Variants in PJA2 observed in about 807,000 individuals in gnomAD.
The protein encoded by PJA2 is E3 ubiquitin-protein ligase Praja-2.
In PJA2, 25 loss-of-function variants were observed where a neutral mutation model predicts 69.3. That is an observed-to-expected ratio of 0.36 (90% confidence interval 0.26 to 0.50). The LOEUF (loss-of-function observed/expected upper bound fraction) is 0.50. PJA2 is among the 20% of genes least tolerant of loss of function. The pLI, the probability that PJA2 is intolerant of heterozygous loss-of-function variation, is 0.96. For synonymous variants in PJA2, 308 were observed against 277.8 expected, an observed-to-expected ratio of 1.11 and a Z score of -1.08; for missense variants, 809 against 830.2, an observed-to-expected ratio of 0.97 and a Z score of 0.31.
chr5:109,341,488 C>G (rs2126984646), intron 9 of PJA2, among the ~76,000 whole-genome samples: 1 of 141,730 alleles, frequency 7.1e-6, no homozygotes, highest in African/African-American at 2.6e-5. Context: ...GCCCGGCAGC[C>G]ACCCCATCTG....
intron 1 of PJA2, among the ~76,000 whole-genome samples, chr5:109,402,170 C>G (rs1030700690): frequency 6.6e-6 from 1 of 152,034 alleles, no homozygotes; most frequent in African/African-American, 2.4e-5. Context: ...AAATAGGCAT[C>G]AGAGAGCACA....
Position 109,335,113 on chromosome 5 carries a change from T to C in PJA2, c.*2118A>G, listed in dbSNP as rs79938561. The C allele has an allele frequency of 0.03, 4,650 of 152,768 alleles. 96 individuals are homozygous for C. Among genetic ancestry groups the C allele is most frequent in the Middle Eastern group, 0.048 (14 of 294 alleles). 9.5% of individuals were successfully genotyped at this position (152,768 alleles called of 1,614,324 possible). A position where few individuals can be genotyped will look rare whatever the true frequency, so the allele number is the denominator to read the frequency against. On this transcript the variant is annotated 3_prime_UTR_variant, in exon 10 of 10. Coordinates refer to ENST00000361189, the MANE Select transcript of PJA2 (RefSeq NM_014819.5). ...AACTTTTTCAAAAGGATCCAAGATA[T>C]GATCAAATAATATTTTAGTATCTGA...
Position 109,344,723 on chromosome 5 carries a change from CA to C in PJA2, c.1860del (p.Val621PhefsTer26). The C allele has an allele frequency of 6.2e-7, 1 of 1,613,266 alleles. No homozygotes were observed. Among genetic ancestry groups the C allele is most frequent in the South Asian group, 1.1e-5 (1 of 90,942 alleles). On this transcript the variant is annotated frameshift_variant, in exon 8 of 10. Coordinates refer to ENST00000361189, the MANE Select transcript of PJA2 (RefSeq NM_014819.5). LOFTEE classifies it high-confidence loss of function. ...KESIDGLPET[L>X]VLEDHTAIGQ... ...CCCTTACCAGTGTGATCTTCAAGAACAAGGGTCTCTGGAAGACCATCAATGC... is the reference window on the plus strand; with the variant it reads ...CCCTTACCAGTGTGATCTTCAAGAACAGGGTCTCTGGAAGACCATCAATGC...
Position 109,335,341 on chromosome 5 carries a change from C to CT in PJA2, c.*1889dup. On this transcript the variant is annotated 3_prime_UTR_variant, in exon 10 of 10. Coordinates refer to ENST00000361189, the MANE Select transcript of PJA2 (RefSeq NM_014819.5). ...TACAACAGCTATCTTAAGTTCAGCT[C>CT]TCAACATTGCTGGTTGAGTTTGGAA... 1 of 152,644 alleles carries CT rather than the reference C, an allele frequency of 6.6e-6. No individual in the cohort carries two copies. Among genetic ancestry groups the CT allele is most frequent in the Non-Finnish European group, 1.5e-5 (1 of 68,036 alleles). The allele number at this position is 152,644 out of a possible 1,614,324, so 9.5% of individuals were successfully genotyped here. A position where few individuals can be genotyped will look rare whatever the true frequency, so the allele number is the denominator to read the frequency against.
At chr5:109,354,301 G>T (rs1292215000) in intron 7 of PJA2, among the ~76,000 whole-genome samples, 2 of 147,934 alleles carry the variant, frequency 1.4e-5, no homozygotes, top group East Asian at 2.1e-4. Context: ...ATGATATCTA[G>T]AGATATCTAT....
At position 109,378,986 on chromosome 5, in the gene PJA2, A is replaced by T; in HGVS notation, c.501T>A (p.Ser167=). 6.2e-7 allele frequency: 1 copy of T among 1,614,160 alleles called. No individual in the cohort carries two copies. The highest frequency in any genetic ancestry group is 8.5e-7 in the Non-Finnish European group (1 of 1,180,008). Residue 167 remains serine (S), a synonymous_variant, in exon 4 of 10, where the codon TCT becomes TCA. Coordinates refer to ENST00000361189, the MANE Select transcript of PJA2 (RefSeq NM_014819.5). Reference sequence around the variant, plus strand: ...CTCCATGTTTGCCATCTGGATCATAAGAGTCTGTATGAACCAATGCAATTC... The same window carrying T: ...CTCCATGTTTGCCATCTGGATCATATGAGTCTGTATGAACCAATGCAATTC... ...QNGIALVHTD[S]YDPDGKHGED...
intron 4 of PJA2, among the ~76,000 whole-genome samples, chr5:109,374,451 C>T (rs151107526): frequency 6.4e-4 from 97 of 152,280 alleles, no homozygotes; most frequent in African/African-American, 1.9e-3. Flanking sequence ...CTACACGGAA[C>T]AGGAAAGGCG....
At chr5:109,344,103 A>G in intron 9 of PJA2, 87 bp downstream of exon 9, 4 of 526,744 alleles carry the variant, frequency 7.6e-6, no homozygotes, top group Non-Finnish European at 1.0e-5. Flanking sequence ...GTCTCACCAA[A>G]AAAAAAAAAA....
chr5:109,365,574 T>C (rs1299502614), intron 5 of PJA2, among the ~76,000 whole-genome samples: 3 of 92,404 alleles, frequency 3.2e-5, no homozygotes, highest in Non-Finnish European at 6.9e-5. Context: ...TTTATTGTTG[T>C]ATGAATCCTT....
At position 109,378,244 on chromosome 5, in the gene PJA2, A is replaced by G. The variant is rs757428735; in HGVS notation, c.1243T>C (p.Cys415Arg). The G allele has an allele frequency of 1.2e-6, 2 of 1,613,668 alleles. No individual in the cohort carries two copies. Among genetic ancestry groups the G allele is most frequent in the African/African-American group, 1.3e-5 (1 of 74,916 alleles). The stretch of plus-strand genomic sequence containing the variant: ...TCATAGAGTTGGTAATAATCTCCAC[A>G]GCCATTCCAAAAGGTGTTATCCACC... ...QEVDNTFWNG[C>R]GDYYQLYDKD... The change falls in exon 4 of 10, where the codon TGT (cysteine) becomes CGT (arginine). Residue 415 changes from cysteine (C) to arginine (R), a missense_variant. This residue lies in a region of PJA2 where 700 missense variants were observed against 639.5 expected (regional missense o/e 1.09). Transcript: ENST00000361189.
intron 4 of PJA2, among the ~76,000 whole-genome samples, chr5:109,372,924 AAAGAAAGAAAG>A (rs1420561598): frequency 2.3e-4 from 31 of 135,398 alleles, no homozygotes; most frequent in Non-Finnish European, 3.9e-4. Flanking sequence ...AAAAAAAAAA[AAAGAAAGAAAG>A]AAAAAAAAAT....
In PJA2 at chr5:109,378,286, T is replaced by C; in HGVS notation, c.1201A>G (p.Thr401Ala). The change falls in exon 4 of 10, where the codon ACA (threonine) becomes GCA (alanine). Residue 401 changes from threonine (T) to alanine (A), a missense_variant. Physicochemically the swap from Thr to Ala is moderately conservative, Grantham distance 58 (BLOSUM62 0). Around this residue, in one of 4 missense-constraint regions of PJA2, gnomAD observed 700 missense variants for 639.5 expected, o/e 1.09. Transcript: ENST00000361189. ...TTATCCACCTCTTGCCTTCCTGCTG[T>C]GGCTCCACTTTCTGATGTCATTTGG... The part of the protein sequence containing the change: ...NNQMTSESGA[T>A]AGRQEVDNTF... The C allele has an allele frequency of 6.2e-7, 1 of 1,614,140 alleles. No individual in the cohort carries two copies. Among genetic ancestry groups the C allele is most frequent in the Non-Finnish European group, 8.5e-7 (1 of 1,179,972 alleles).
intron 1 of PJA2, among the ~76,000 whole-genome samples, chr5:109,404,861 C>A (rs940041837): frequency 6.6e-6 from 1 of 152,160 alleles, no homozygotes; most frequent in Admixed American, 6.5e-5. Context: ...ATGAAAGATT[C>A]AAAGCTTTCT....
chr5:109,400,037 C>T (rs1447674043), intron 1 of PJA2, among the ~76,000 whole-genome samples: 1 of 152,008 alleles, frequency 6.6e-6, no homozygotes, highest in Non-Finnish European at 1.5e-5. Context: ...CACCTGTAAT[C>T]CCAGCAATTT....
intron 1 of PJA2, among the ~76,000 whole-genome samples, chr5:109,400,850 G>A (rs776878747): frequency 2.0e-5 from 3 of 152,092 alleles, no homozygotes; most frequent in African/African-American, 4.8e-5. Context: ...AGGCATGGTT[G>A]CGGGTGCCTG....
chr5:109,362,063 G>A (rs1371192747), intron 6 of PJA2, among the ~76,000 whole-genome samples: 1 of 152,020 alleles, frequency 6.6e-6, no homozygotes, highest in East Asian at 1.9e-4. Flanking sequence ...ATTTTAACTG[G>A]AAAAACAACA....
intron 7 of PJA2, among the ~76,000 whole-genome samples, chr5:109,348,627 T>A (rs1322219887): frequency 2.6e-5 from 4 of 152,168 alleles, no homozygotes; most frequent in Admixed American, 6.5e-5. Context: ...GTGAATCTCT[T>A]ACTGCTTTCA....
intron 5 of PJA2, among the ~76,000 whole-genome samples, chr5:109,367,143 A>AAATATAT (rs1252162401): frequency 7.0e-6 from 1 of 143,214 alleles, no homozygotes; most frequent in African/African-American, 2.6e-5. Flanking sequence ...CAAAAAAAAA[A>AAATATAT]ATATATATAT....
chr5:109,384,291 TTAA>T (rs139127863), intron 1 of PJA2, among the ~76,000 whole-genome samples: 2,258 of 152,292 alleles, frequency 0.015, 51 homozygotes, highest in African/African-American at 0.052. Flanking sequence ...ATAACAATAA[TTAA>T]TGTGTGTAAA....
Sources: allele counts gnomAD v4.1 joint callset (sites outside exome capture counted in the v4.1 genomes callset), GRCh38; gene constraint gnomAD v4.1.1; regional missense constraint gnomAD v4.1.1; transcripts MANE v1.5; gene names NCBI Gene and HGNC (gene_info 2026-07-23, HGNC 2026-07-21).